The following UMAD1 variants were observed in gnomAD, a reference collection of about 807,000 sequenced individuals.
UMAD1 encodes the protein UBAP1-MVB12-associated (UMA)-domain containing protein 1.
UMAD1 carries 8 observed loss-of-function variants against 6.1 expected under a neutral mutation model. The ratio of observed to expected loss-of-function variants is 1.30; its 90% CI spans 0.76 to 2.35. UMAD1 has a LOEUF of 2.35. Among genes scored for constraint, UMAD1 ranks in the 30% most tolerant of loss-of-function variants. The pLI, the probability that UMAD1 is intolerant of heterozygous loss-of-function variation, is 0.00. For missense variants in UMAD1, 130 were observed against 78.4 expected (o/e 1.66, Z -2.49); for synonymous variants, 56 against 31.4 (o/e 1.78, Z -2.61).
In UMAD1 at chr7:7,830,958, A is replaced by G. The variant is rs1353314825; in HGVS notation, c.156+29215A>G. 6.6e-5 allele frequency among the ~76,000 whole-genome samples: 10 copies of G among 152,290 alleles called. No individual in the cohort carries two copies. Among genetic ancestry groups the G allele is most frequent in the Non-Finnish European group, 5.9e-5 (4 of 68,004 alleles). Reference sequence around the variant, plus strand: ...ACAAGAATATTTTTTAATTATAAAAAATATACCAGTCCTTAAAATATGTAT... The same window carrying G: ...ACAAGAATATTTTTTAATTATAAAAGATATACCAGTCCTTAAAATATGTAT... On this transcript the variant is annotated intron_variant, in intron 3 of 3. Transcript: ENST00000682710. The surrounding 1 kb of genome is among the most constrained non-coding windows in gnomAD (Gnocchi z 5.3).
intron 2 of UMAD1, among the ~76,000 whole-genome samples, chr7:7,750,604 G>T (rs886129845): frequency 6.6e-6 from 1 of 152,128 alleles, no homozygotes; most frequent in African/African-American, 2.4e-5. Flanking sequence ...ACACTACTGT[G>T]TGTAAGGCAC....
intron 2 of UMAD1, among the ~76,000 whole-genome samples, chr7:7,784,402 CT>C (rs1782417288): frequency 6.7e-6 from 1 of 149,820 alleles, no homozygotes; most frequent in African/African-American, 2.5e-5. Context: ...GTGGTGCTAC[CT>C]TGGCTCACTG....
chr7:7,745,775 C>A (rs564325635), intron 2 of UMAD1, among the ~76,000 whole-genome samples: 2 of 152,314 alleles, frequency 1.3e-5, no homozygotes, highest in Admixed American at 6.5e-5. Context: ...TGACAAATGG[C>A]CTGTTTCCCC....
intron 2 of UMAD1, among the ~76,000 whole-genome samples, chr7:7,688,003 T>C (rs970728071): frequency 6.6e-6 from 1 of 152,204 alleles, no homozygotes; most frequent in African/African-American, 2.4e-5. Context: ...TTGAAGAAGT[T>C]GATAACTGAG....
At chr7:7,784,752 C>T (rs1481029278) in intron 2 of UMAD1, among the ~76,000 whole-genome samples, 3 of 139,468 alleles carry the variant, frequency 2.2e-5, no homozygotes, top group African/African-American at 8.0e-5. Context: ...TTCTGCCCTT[C>T]CTTCTTTTTT....
intron 2 of UMAD1, among the ~76,000 whole-genome samples, chr7:7,737,924 A>G (rs1781391983): frequency 6.6e-6 from 1 of 152,240 alleles, no homozygotes; most frequent in Non-Finnish European, 1.5e-5. Context: ...CACTAAGTCA[A>G]TAAATATTAG....
intron 3 of UMAD1, among the ~76,000 whole-genome samples, chr7:7,861,987 G>A (rs1347431621): frequency 1.3e-5 from 2 of 152,078 alleles, no homozygotes; most frequent in Non-Finnish European, 2.9e-5. Flanking sequence ...TGTATTCATT[G>A]TTGTTTGTCA....
intron 3 of UMAD1, among the ~76,000 whole-genome samples, chr7:7,805,794 A>G (rs1350799946): frequency 6.6e-6 from 1 of 152,128 alleles, no homozygotes; most frequent in Non-Finnish European, 1.5e-5. Flanking sequence ...CCTCCTTATC[A>G]TTCAAGTGTC....
intron 1 of UMAD1, among the ~76,000 whole-genome samples, chr7:7,652,489 G>C (rs1381969617): frequency 1.1e-4 from 16 of 152,210 alleles, no homozygotes. Flanking sequence ...TTTTTGACTA[G>C]ACTAGAATGT....
intron 3 of UMAD1, among the ~76,000 whole-genome samples, chr7:7,811,739 T>C (rs1263657178): frequency 1.3e-5 from 2 of 152,212 alleles, no homozygotes; most frequent in African/African-American, 4.8e-5. Flanking sequence ...AGGCATTGAT[T>C]AATCAAGCTT....
chr7:7,874,962 C>T (rs776332071), intron 3 of UMAD1, among the ~76,000 whole-genome samples: 3 of 152,100 alleles, frequency 2.0e-5, no homozygotes, highest in South Asian at 2.1e-4. Context: ...TTAGTACAGA[C>T]GGGGTTTCTC....
chr7:7,827,139 A>G (rs74684456), intron 3 of UMAD1, among the ~76,000 whole-genome samples: 68,685 of 132,040 alleles, frequency 0.52, 17,397 homozygotes, highest in South Asian at 0.56. Context: ...ATATATATAT[A>G]TATATATATG....
At chr7:7,829,587 A>T (rs1054899597) in intron 3 of UMAD1, among the ~76,000 whole-genome samples, 3 of 152,230 alleles carry the variant, frequency 2.0e-5, no homozygotes, top group Admixed American at 6.5e-5. Context: ...TAGGTCTCAT[A>T]TAATGAATCT....
chr7:7,673,410 G>A lies in UMAD1; in HGVS notation c.39G>A (p.Lys13=), dbSNP rs1779660895. The change falls in exon 2 of 4, where the codon AAG becomes AAA. Residue 13 remains lysine (K), a synonymous_variant. Coordinates refer to ENST00000682710, the MANE Select transcript of UMAD1 (RefSeq NM_001302348.2). ...TCAGAAAGCCTCCGGAATCTAAAAA[G>A]CCCTCAGTACCAGAGACAGAAGCAG... The part of the protein sequence containing the change: ...HFFRKPPESK[K]PSVPETEADG... 9.2e-7 allele frequency: 1 copy of A among 1,084,940 alleles called. No individual in the cohort carries two copies. The highest frequency in any genetic ancestry group is 1.5e-5 in the African/African-American group (1 of 64,888). 67.2% of individuals were successfully genotyped at this position (1,084,940 alleles called of 1,614,324 possible).
chr7:7,717,402 T>A (rs909976510), intron 2 of UMAD1, among the ~76,000 whole-genome samples: 2 of 152,192 alleles, frequency 1.3e-5, no homozygotes, highest in Non-Finnish European at 2.9e-5. Flanking sequence ...AACTCACTCC[T>A]TGTGTGTCCT....
chr7:7,850,572 C>T (rs1056697432), intron 3 of UMAD1, among the ~76,000 whole-genome samples: 1 of 151,922 alleles, frequency 6.6e-6, no homozygotes, highest in Admixed American at 6.6e-5. Context: ...TTACCATGAC[C>T]ATAAGGCCAA....
intron 2 of UMAD1, among the ~76,000 whole-genome samples, chr7:7,769,517 CAT>C (rs1402413783): frequency 4.6e-5 from 7 of 152,246 alleles, no homozygotes; most frequent in African/African-American, 1.7e-4. Flanking sequence ...TGCTGCATAT[CAT>C]ATGATTCCTT....
chr7:7,768,050 G>T (rs1782024989), intron 2 of UMAD1, among the ~76,000 whole-genome samples: 1 of 151,800 alleles, frequency 6.6e-6, no homozygotes, highest in African/African-American at 2.4e-5. Context: ...ATCTTAGAAA[G>T]GCTTCTTTTT....
At chr7:7,845,774 A>G (rs1371628928) in intron 3 of UMAD1, among the ~76,000 whole-genome samples, 1 of 152,142 alleles carries the variant, frequency 6.6e-6, no homozygotes, top group African/African-American at 2.4e-5. Context: ...TTAATACCGT[A>G]GTAGAGTTTT....
Sources: allele counts gnomAD v4.1 joint callset (sites outside exome capture counted in the v4.1 genomes callset), GRCh38; gene constraint gnomAD v4.1.1; non-coding constraint Gnocchi (gnomAD v3.1); transcripts MANE v1.5; gene names NCBI Gene and HGNC (gene_info 2026-07-23, HGNC 2026-07-21).